NUAK1: variants seen among roughly 807,000 people sequenced by gnomAD.
NUAK1 encodes NUAK family kinase 1, also known as NUAK family SNF1-like kinase 1.
A neutral mutation model predicts 56.9 loss-of-function variants in NUAK1; 26 were observed. That is an observed-to-expected ratio of 0.46 (90% confidence interval 0.33 to 0.63). NUAK1 has a LOEUF of 0.63. NUAK1 is among the 30% of genes least tolerant of loss of function. The pLI is 0.02. For missense variants in NUAK1, 727 were observed against 876.1 expected (o/e 0.83, Z 2.15); for synonymous variants, 337 against 336.0 (o/e 1.00, Z -0.03).
At chr12:106,084,055 G>T in intron 3 of NUAK1, 126 bp from the exon 4 acceptor site, 1 of 780,804 alleles carries the variant, frequency 1.3e-6, no homozygotes, top group Non-Finnish European at 2.2e-6. Context: ...CCAGCCCGGT[G>T]GTCTTCACCT....
chr12:106,107,621 G>A (rs1331264803), intron 1 of NUAK1, among the ~76,000 whole-genome samples: 2 of 152,190 alleles, frequency 1.3e-5, no homozygotes, highest in Non-Finnish European at 2.9e-5. Flanking sequence ...AGCAAAGAAA[G>A]TCCTCATTAT....
At position 106,087,355 on chromosome 12, in the gene NUAK1, C is replaced by T. The variant is rs551372114; in HGVS notation, c.362-470G>A. 2.6e-4 allele frequency among the ~76,000 whole-genome samples: 39 copies of T among 152,266 alleles called. 1 individual carries two copies. Among genetic ancestry groups the T allele is most frequent in the African/African-American group, 8.7e-4 (36 of 41,550 alleles). The stretch of plus-strand genomic sequence containing the variant: ...ACTTCCCATCTCAGGCAAATAAAAC[C>T]CAAAGCTTTTAATGTGGCCCACCAA... On this transcript the variant is annotated intron_variant, in intron 2 of 6. Coordinates refer to ENST00000261402, the MANE Select transcript of NUAK1 (RefSeq NM_014840.3).
intron 2 of NUAK1, among the ~76,000 whole-genome samples, chr12:106,091,009 A>G (rs1396087030): frequency 6.6e-6 from 1 of 152,204 alleles, no homozygotes; most frequent in Non-Finnish European, 1.5e-5. Context: ...CCCTTGGCCC[A>G]ACGCTCCTTT....
chr12:106,108,368 C>A (rs1300198794), intron 1 of NUAK1, among the ~76,000 whole-genome samples: 1 of 152,192 alleles, frequency 6.6e-6, no homozygotes, highest in Non-Finnish European at 1.5e-5. Context: ...GGACCCATGG[C>A]TGGATAGAAG....
intron 1 of NUAK1, among the ~76,000 whole-genome samples, chr12:106,130,472 A>G (rs1019298065): frequency 6.6e-6 from 1 of 152,236 alleles, no homozygotes. Flanking sequence ...TTATTGCTAG[A>G]TTGAAAAGAA....
chr12:106,117,148 G>C (rs1458379187), intron 1 of NUAK1, among the ~76,000 whole-genome samples: 1 of 152,188 alleles, frequency 6.6e-6, no homozygotes. Context: ...CTACCCCCAA[G>C]ATGCCTTTTG....
intron 2 of NUAK1, among the ~76,000 whole-genome samples, chr12:106,094,060 C>T (rs2032667732): frequency 6.6e-6 from 1 of 152,100 alleles, no homozygotes; most frequent in South Asian, 2.1e-4. Flanking sequence ...CCGCCCACCT[C>T]AGCCTCCCAA....
chr12:106,070,759 C>T lies in NUAK1; in HGVS notation c.832+15G>A, dbSNP rs1257925713. ...CTCCCCTCCACCTCTGACCCTCCCT[C>T]CACAGGGCACGCACCTGAGGGCTGT... is the stretch of plus-strand genomic sequence containing the variant. On this transcript the variant is annotated intron_variant, in intron 6 of 6. Coordinates refer to ENST00000261402, the MANE Select transcript of NUAK1 (RefSeq NM_014840.3). 1 of 1,614,012 alleles carries T rather than the reference C, an allele frequency of 6.2e-7. No individual in the cohort carries two copies. Among genetic ancestry groups the T allele is most frequent in the Non-Finnish European group, 8.5e-7 (1 of 1,180,002 alleles).
chr12:106,078,362 T>C (rs2032483875), intron 4 of NUAK1, among the ~76,000 whole-genome samples: 1 of 152,242 alleles, frequency 6.6e-6, no homozygotes, highest in Admixed American at 6.5e-5. Flanking sequence ...TCTAAAATTA[T>C]CCTTATTTTG....
chr12:106,116,268 T>C lies in NUAK1; in HGVS notation c.241-9743A>G, dbSNP rs531764201. Among the ~76,000 whole-genome samples, 12 of 152,340 alleles carry C rather than the reference T, an allele frequency of 7.9e-5. 1 individual carries two copies. The South Asian group carries it at 2.5e-3, about 32-fold the overall frequency. ...CCAGCCAACCTAAACCCCAGCCATCTGCCGCTGAGCCTTCTTTTACTTGCT... is the reference window on the plus strand; with the variant it reads ...CCAGCCAACCTAAACCCCAGCCATCCGCCGCTGAGCCTTCTTTTACTTGCT... On this transcript the variant is annotated intron_variant, in intron 1 of 6. Transcript: ENST00000261402.
intron 2 of NUAK1, among the ~76,000 whole-genome samples, chr12:106,087,523 T>G (rs766481328): frequency 3.3e-5 from 5 of 152,174 alleles, no homozygotes; most frequent in African/African-American, 7.2e-5. Flanking sequence ...AGAACAGTAT[T>G]TGGCACAGAG....
chr12:106,112,445 G>A (rs903999287), intron 1 of NUAK1, among the ~76,000 whole-genome samples: 1 of 152,090 alleles, frequency 6.6e-6, no homozygotes, highest in Non-Finnish European at 1.5e-5. Flanking sequence ...AGGCCACACC[G>A]GTCCAAAGCT....
chr12:106,084,044 AC>A, intron 3 of NUAK1, 115 bp from the exon 4 acceptor site: 1 of 891,528 alleles, frequency 1.1e-6, no homozygotes, highest in Non-Finnish European at 1.8e-6. Context: ...AAAGAAATGC[AC>A]CAGCCCGGTG....
At chr12:106,085,595 A>T (rs909124320) in intron 3 of NUAK1, among the ~76,000 whole-genome samples, 2 of 152,238 alleles carry the variant, frequency 1.3e-5, no homozygotes, top group Non-Finnish European at 2.9e-5. Context: ...GATGAAATTC[A>T]TGGCCAAAGT....
intron 5 of NUAK1, among the ~76,000 whole-genome samples, chr12:106,071,541 C>T (rs1040544571): frequency 1.3e-5 from 2 of 152,088 alleles, no homozygotes; most frequent in African/African-American, 2.4e-5. Context: ...CAGCACTGCT[C>T]GATTCTTTGG....
intron 2 of NUAK1, among the ~76,000 whole-genome samples, chr12:106,095,279 C>A (rs1297694004): frequency 6.6e-6 from 1 of 152,230 alleles, no homozygotes; most frequent in Non-Finnish European, 1.5e-5. Context: ...GTACTTGATG[C>A]CGTGAACTTC....
At chr12:106,078,615 G>A (rs1438175742) in intron 4 of NUAK1, among the ~76,000 whole-genome samples, 1 of 152,220 alleles carries the variant, frequency 6.6e-6, no homozygotes, top group Non-Finnish European at 1.5e-5. Context: ...CCTCACTCCT[G>A]AGTTGCCAGG....
intron 4 of NUAK1, among the ~76,000 whole-genome samples, chr12:106,081,983 G>A (rs2032522162): frequency 6.6e-6 from 1 of 152,166 alleles, no homozygotes; most frequent in South Asian, 2.1e-4. Flanking sequence ...CACTCCCCAG[G>A]ACCTAGGTAG....
rs549627146 is a variant in NUAK1, at chr12:106,068,845, G to A, written c.833-890C>T. 8.5e-5 allele frequency among the ~76,000 whole-genome samples: 13 copies of A among 152,326 alleles called. No homozygotes were observed. The South Asian group carries it at 1.7e-3, about 19-fold the overall frequency. ...CCTCCCCTCAGCTGCTTATGTAAGC[G>A]AATGAGAAGCTGGCAAAGGCCTGGT... is the stretch of plus-strand genomic sequence containing the variant. On this transcript the variant is annotated intron_variant, in intron 6 of 6. Transcript: ENST00000261402.
Sources: allele counts gnomAD v4.1 joint callset (sites outside exome capture counted in the v4.1 genomes callset), GRCh38; gene constraint gnomAD v4.1.1; transcripts MANE v1.5; gene names NCBI Gene and HGNC (gene_info 2026-07-23, HGNC 2026-07-21).